CHRNA3: variants seen among roughly 807,000 people sequenced by gnomAD.
The protein encoded by CHRNA3 is cholinergic receptor nicotinic alpha 3 subunit, also known as neuronal acetylcholine receptor subunit alpha-3.
In CHRNA3, 34 loss-of-function variants were observed where a neutral mutation model predicts 41.9. The ratio of observed to expected loss-of-function variants is 0.81; its 90% CI spans 0.62 to 1.08. The LOEUF is 1.08. CHRNA3 is among the 50% of genes least tolerant of loss of function. The pLI, the probability that CHRNA3 is intolerant of heterozygous loss-of-function variation, is 0.00. For synonymous variants in CHRNA3, 281 were observed against 265.2 expected (o/e 1.06, Z -0.58); for missense variants, 542 against 638.3 (o/e 0.85, Z 1.63).
intron 4 of CHRNA3, among the ~76,000 whole-genome samples, chr15:78,613,080 G>T (rs1418634568): frequency 6.6e-6 from 1 of 152,218 alleles, no homozygotes; most frequent in African/African-American, 2.4e-5. Flanking sequence ...ACAGATGCTG[G>T]CGAGGATGTG....
intron 1 of CHRNA3, chr15:78,620,255 C>T (rs1408310877): frequency 6.0e-6 from 1 of 165,290 alleles, no homozygotes; most frequent in African/African-American, 2.4e-5. Flanking sequence ...GAAGCGACTC[C>T]CCTCTTCCCG....
In CHRNA3 at chr15:78,601,641, G is replaced by T. The variant is rs79115483; in HGVS notation, c.1001C>A (p.Thr334Lys). The T allele has an allele frequency of 4.3e-6, 7 of 1,614,038 alleles. No homozygotes were observed. The East Asian group carries it at 6.7e-5, about 15-fold the overall frequency. Reference sequence around the variant, plus strand: ...CACCCATGAGGGCATTGTGTGTGTCGTCGGGGTTCTGTAGTGCACGTTGAG... The same window carrying T: ...CACCCATGAGGGCATTGTGTGTGTCTTCGGGGTTCTGTAGTGCACGTTGAG... ...FVLNVHYRTP[T>K]THTMPSWVKT... The change falls in exon 5 of 6, where the codon ACG (threonine) becomes AAG (lysine). Residue 334 changes from threonine (T) to lysine (K), a missense_variant. Thr to Lys is a moderately conservative substitution (Grantham distance 78). Transcript: ENST00000326828.
At chr15:78,616,049 T>G (rs2053456334) in intron 4 of CHRNA3, among the ~76,000 whole-genome samples, 1 of 142,640 alleles carries the variant, frequency 7.0e-6, no homozygotes, top group South Asian at 2.5e-4. Flanking sequence ...GCCAAACACC[T>G]GTATTTTTAA....
At chr15:78,594,887 TTAGTACAGTA>T (rs2053075120), downstream of CHRNA3, 1 of 152,196 alleles carries the variant, frequency 6.6e-6, no homozygotes, top group Admixed American at 6.5e-5. Context: ...CGTAAATGAT[TTAGTACAGTA>T]TAATGTATCA....
Position 78,602,110 on chromosome 15 carries a change from C to T in CHRNA3, c.532G>A (p.Gly178Ser), listed in dbSNP as rs1406240223. 1.2e-6 allele frequency: 2 copies of T among 1,614,006 alleles called. No individual in the cohort carries two copies. The highest frequency in any genetic ancestry group is 1.3e-5 in the African/African-American group (1 of 74,908). ...FDYQNCTMKFGSWSYDKAKID... is the reference protein window; with the variant it reads ...FDYQNCTMKFSSWSYDKAKID... Reference sequence around the variant, plus strand: ...TTCGCCTTATCGTAGGACCAGGAACCGAACTTCATGGTACAGTTTTGGTAA... The same window carrying T: ...TTCGCCTTATCGTAGGACCAGGAACTGAACTTCATGGTACAGTTTTGGTAA... Residue 178 changes from glycine to serine, a missense_variant, in exon 5 of 6, where the codon GGT (glycine) becomes AGT (serine). By Grantham distance (56) the Gly-to-Ser change is moderately conservative (BLOSUM62 0). Coordinates refer to ENST00000326828, the MANE Select transcript of CHRNA3 (RefSeq NM_000743.5).
rs761368328 is a variant in CHRNA3 at position 78,601,382 on chromosome 15, C to T, written c.1260G>A (p.Thr420=). 1.7e-5 allele frequency: 27 copies of T among 1,614,052 alleles called. No homozygotes were observed. Among genetic ancestry groups the T allele is most frequent in the East Asian group, 4.5e-5 (2 of 44,890 alleles). Residue 420 remains threonine (T), a synonymous_variant, in exon 5 of 6, where the codon ACG becomes ACA. Transcript: ENST00000326828. ...IKISNFSANL[T]RSSSSESVDA... is the part of the protein sequence containing the mutation. ...CAACAGATTCAGAACTAGAGCTTCT[C>T]GTGAGGTTAGCACTGAAATTGGAGA...
intron 1 of CHRNA3, among the ~76,000 whole-genome samples, chr15:78,620,457 C>T (rs964997928): frequency 1.3e-5 from 2 of 152,248 alleles, no homozygotes; most frequent in African/African-American, 4.8e-5. Context: ...CTCCCCATCA[C>T]CCGGCGCGTA....
chr15:78,620,529 G>A (rs567448791), intron 1 of CHRNA3, among the ~76,000 whole-genome samples, 184 bp downstream of exon 1: 3 of 152,228 alleles, frequency 2.0e-5, no homozygotes, highest in Non-Finnish European at 4.4e-5. Context: ...TGAGCCGAAA[G>A]GGAAAAAGCC....
chr15:78,615,728 C>T (rs2053450978), intron 4 of CHRNA3, among the ~76,000 whole-genome samples: 1 of 145,794 alleles, frequency 6.9e-6, no homozygotes, highest in African/African-American at 2.5e-5. Flanking sequence ...ATTTTGAATT[C>T]AGGCACCTGT....
In CHRNA3 at chr15:78,602,259, A is replaced by G. The variant is rs201986182; in HGVS notation, c.383T>C (p.Val128Ala). ...CTTGTCGTCCACCTGGAAATCCCCAACAGCACTGCAAAGACAAAGAGGGGG... is the reference window on the plus strand; with the variant it reads ...CTTGTCGTCCACCTGGAAATCCCCAGCAGCACTGCAAAGACAAAGAGGGGG... ...KPDIVLYNNA[V>A]GDFQVDDKTK... is the part of the protein sequence containing the mutation. The change falls in exon 5 of 6, where the codon GTT becomes GCT. Residue 128 changes from valine to alanine, a missense_variant. Physicochemically the swap from Val to Ala is moderately conservative, Grantham distance 64. Coordinates refer to ENST00000326828, the MANE Select transcript of CHRNA3 (RefSeq NM_000743.5). 1 of 1,613,250 alleles carries G rather than the reference A, an allele frequency of 6.2e-7. No individual in the cohort carries two copies. Among genetic ancestry groups the G allele is most frequent in the Non-Finnish European group, 8.5e-7 (1 of 1,179,508 alleles).
chr15:78,599,294 G>A (rs983514365), intron 5 of CHRNA3, among the ~76,000 whole-genome samples: 5 of 152,116 alleles, frequency 3.3e-5, no homozygotes, highest in Admixed American at 3.3e-4. Context: ...AGCTCCTAAA[G>A]TCTTTAAAGC....
chr15:78,596,800 GA>G, intron 5 of CHRNA3, 68 bp from the exon 6 acceptor site: 1 of 1,538,616 alleles, frequency 6.5e-7, no homozygotes. Context: ...TTTCAATACT[GA>G]AGATGTAATC....
chr15:78,601,632 G>T lies in CHRNA3; in HGVS notation c.1010C>A (p.Thr337Lys), dbSNP rs1431167072. The change falls in exon 5 of 6, where the codon ACA becomes AAA. Residue 337 changes from threonine to lysine, a missense_variant. Physicochemically the swap from Thr to Lys is moderately conservative, Grantham distance 78. Transcript: ENST00000326828. ...NVHYRTPTTH[T>K]MPSWVKTVFL... ...TACAGTCTTCACCCATGAGGGCATTGTGTGTGTCGTCGGGGTTCTGTAGTG... is the reference window on the plus strand; with the variant it reads ...TACAGTCTTCACCCATGAGGGCATTTTGTGTGTCGTCGGGGTTCTGTAGTG... The T allele has an allele frequency of 6.2e-7, 1 of 1,614,218 alleles. No individual in the cohort carries two copies. Among genetic ancestry groups the T allele is most frequent in the East Asian group, 2.2e-5 (1 of 44,878 alleles).
chr15:78,620,738 CA>C lies in CHRNA3; in HGVS notation c.56del (p.Leu19ArgfsTer35). ...PLALSPPRLL[L>X]LLLLSLLPVA... ...CTGGCAGCAGAGACAGCAGCAGCAG[CA>C]GCAGCAGCCGCGGCGGCGACAGCGC... is the stretch of plus-strand genomic sequence containing the variant. On this transcript the variant is annotated frameshift_variant, in exon 1 of 6. Transcript: ENST00000326828. LOFTEE classifies it high-confidence loss of function. 1 of 1,500,946 alleles carries C rather than the reference CA, an allele frequency of 6.7e-7. No individual in the cohort carries two copies. Among genetic ancestry groups the C allele is most frequent in the Non-Finnish European group, 8.8e-7 (1 of 1,131,832 alleles). 93.0% of individuals were successfully genotyped at this position (1,500,946 alleles called of 1,614,324 possible). A position where few individuals can be genotyped will look rare whatever the true frequency, so the allele number is the denominator to read the frequency against.
chr15:78,612,174 TC>T (rs1360031487), intron 4 of CHRNA3, among the ~76,000 whole-genome samples: 2 of 152,054 alleles, frequency 1.3e-5, no homozygotes, highest in Non-Finnish European at 2.9e-5. Flanking sequence ...GCCATCCCCA[TC>T]AAGCCACCAA....
At chr15:78,593,512 G>T, downstream of CHRNA3, 2 of 254,148 alleles carry the variant, frequency 7.9e-6, no homozygotes, top group Non-Finnish European at 1.5e-5. Flanking sequence ...TCTAGTATTT[G>T]TATCCTGGCA....
Position 78,596,699 on chromosome 15 carries a change from T to C in CHRNA3, c.1423A>G (p.Ile475Val), listed in dbSNP as rs767513666. ...AAAACCCACAGAAAAATACGATCAA[T>C]CACCATGGCAACATACTTCCAATCA... ...QDDWKYVAMV[I>V]DRIFLWVFTL... Residue 475 changes from isoleucine to valine, a missense_variant, in exon 6 of 6, where the codon ATT becomes GTT. Coordinates refer to ENST00000326828, the MANE Select transcript of CHRNA3 (RefSeq NM_000743.5). 1.2e-6 allele frequency: 2 copies of C among 1,612,182 alleles called. No homozygotes were observed. Among genetic ancestry groups the C allele is most frequent in the Non-Finnish European group, 1.7e-6 (2 of 1,179,694 alleles).
At chr15:78,604,309 C>A (rs989911961) in intron 4 of CHRNA3, among the ~76,000 whole-genome samples, 3 of 152,182 alleles carry the variant, frequency 2.0e-5, no homozygotes, top group Non-Finnish European at 4.4e-5. Flanking sequence ...CTGCTCTAGT[C>A]CAACACCTTC....
rs151241294 is a variant in CHRNA3, at chr15:78,614,482, G to T, written c.377+2542C>A. On this transcript the variant is annotated intron_variant, in intron 4 of 5. Coordinates refer to ENST00000326828, the MANE Select transcript of CHRNA3 (RefSeq NM_000743.5). ...TTGGGAAAACAGTAAATAAAACATG[G>T]ACTGTCTTTAGAGTGAGTAAAGACC... is the stretch of plus-strand genomic sequence containing the variant. 4.2e-4 allele frequency among the ~76,000 whole-genome samples: 64 copies of T among 152,278 alleles called. 1 individual carries two copies. In the East Asian group the frequency reaches 0.01, roughly 24 times the overall value.
Sources: allele counts gnomAD v4.1 joint callset (sites outside exome capture counted in the v4.1 genomes callset), GRCh38; gene constraint gnomAD v4.1.1; transcripts MANE v1.5; gene names NCBI Gene and HGNC (gene_info 2026-07-23, HGNC 2026-07-21).